The following PIEZO2 variants were observed in gnomAD, a reference collection of about 807,000 sequenced individuals.
PIEZO2 encodes piezo-type mechanosensitive ion channel component 2.
PIEZO2 carries 172 observed loss-of-function variants against 337.3 expected under a neutral mutation model. That is an observed-to-expected ratio of 0.51 (90% CI 0.45 to 0.58). The LOEUF (loss-of-function observed/expected upper bound fraction) is 0.58, where lower values mean the gene tolerates loss of function less well. Among genes scored for constraint, PIEZO2 ranks in the 20% least tolerant of loss-of-function variants. The probability of loss-of-function intolerance (pLI) is 0.00; values close to 1 mark genes in which losing one functional copy is unlikely to be tolerated. For missense variants in PIEZO2, 3,028 were observed against 3,391.3 expected (o/e 0.89, Z 2.66); for synonymous variants, 1,251 against 1,228.5 (o/e 1.02, Z -0.38).
chr18:10,898,180 T>G (rs752575237), intron 4 of PIEZO2, among the ~76,000 whole-genome samples: 6 of 152,200 alleles, frequency 3.9e-5, no homozygotes, highest in Non-Finnish European at 8.8e-5. Context: ...TCTGTATATA[T>G]TTAGACAGAG....
intron 36 of PIEZO2, among the ~76,000 whole-genome samples, chr18:10,720,452 TATATATATATATATATATA>T (rs2036260507): frequency 1.5e-5 from 1 of 68,922 alleles, no homozygotes; most frequent in East Asian, 5.5e-4. Flanking sequence ...TATATATATA[TATATATATATATATATATA>T]TATTAGAGTC....
intron 1 of PIEZO2, among the ~76,000 whole-genome samples, chr18:11,072,297 G>A (rs1004465760): frequency 6.6e-6 from 1 of 152,258 alleles, no homozygotes; most frequent in East Asian, 1.9e-4. Flanking sequence ...AAAAGAAACC[G>A]AAGGGTATCA....
intron 1 of PIEZO2, among the ~76,000 whole-genome samples, chr18:11,142,100 C>T (rs2040667532): frequency 6.6e-6 from 1 of 152,112 alleles, no homozygotes; most frequent in South Asian, 2.1e-4. Context: ...AAGTCATAAT[C>T]AGAAAACATC....
rs1269582001 is a variant in PIEZO2 at position 10,711,557 on chromosome 18, A to T, written c.5424-3118T>A. Among the ~76,000 whole-genome samples the T allele has an allele frequency of 2.0e-5, 3 of 152,224 alleles. No individual in the cohort carries two copies. In the East Asian group the frequency reaches 5.8e-4, roughly 29 times the overall value. Reference sequence around the variant, plus strand: ...CTGTTAATGTCATCACAAATTAATGAAGAAAGGCAATTCTATTCATTACCC... The same window carrying T: ...CTGTTAATGTCATCACAAATTAATGTAGAAAGGCAATTCTATTCATTACCC... On this transcript the variant is annotated intron_variant, in intron 39 of 55. Transcript: ENST00000674853.
In PIEZO2 at chr18:10,803,958, G is replaced by C; in HGVS notation, c.1117C>G (p.Leu373Val). 6.5e-7 allele frequency: 1 copy of C among 1,537,356 alleles called. No homozygotes were observed. The highest frequency in any genetic ancestry group is 8.7e-7 in the Non-Finnish European group (1 of 1,146,946). The change falls in exon 9 of 56, where the codon CTG (leucine) becomes GTG (valine). Residue 373 changes from leucine to valine, a missense_variant. By Grantham distance (32) the Leu-to-Val change is conservative. Transcript: ENST00000674853. Reference protein sequence around the residue: ...DEGTKEEDKALACSPIQITAG... With the variant: ...DEGTKEEDKAVACSPIQITAG... ...GTTATTTGGATGGGGCTACAAGCCA[G>C]GGCTTTGTCCTCTTCTTTGGTCCCC...
At chr18:11,023,296 T>C (rs1227872913) in intron 2 of PIEZO2, among the ~76,000 whole-genome samples, 1 of 152,148 alleles carries the variant, frequency 6.6e-6, no homozygotes, top group Non-Finnish European at 1.5e-5. Context: ...GACAGGGTGC[T>C]GATTGGTGCA....
chr18:10,787,447 C>G (rs531041020), intron 15 of PIEZO2, among the ~76,000 whole-genome samples: 1 of 152,190 alleles, frequency 6.6e-6, no homozygotes, highest in South Asian at 2.1e-4. Context: ...AGGGTTGCTA[C>G]GAGGATGAAA....
chr18:11,108,466 T>TA (rs11412595), intron 1 of PIEZO2, among the ~76,000 whole-genome samples: 19 of 150,840 alleles, frequency 1.3e-4, no homozygotes, highest in Non-Finnish European at 2.2e-4. Context: ...ATACAAAAAG[T>TA]AGCCGGGCGC....
In PIEZO2 at chr18:10,803,913, G is replaced by A. The variant is rs1227210217; in HGVS notation, c.1162C>T (p.Leu388=). The A allele has an allele frequency of 6.5e-7, 1 of 1,537,200 alleles. No individual in the cohort carries two copies. Among genetic ancestry groups the A allele is most frequent in the East Asian group, 2.4e-5 (1 of 40,932 alleles). Residue 388 remains leucine, a synonymous_variant, in exon 9 of 56, where the codon CTG becomes TTG. Coordinates refer to ENST00000674853, the MANE Select transcript of PIEZO2 (RefSeq NM_001378183.1). ...IQITAGRRRS[L]WYATHYPTDE... ...GTGGGGTAATGGGTTGCGTACCACA[G>A]GCTCCGCCTCCTCCCCGCTGTTATT... is the stretch of plus-strand genomic sequence containing the variant.
intron 3 of PIEZO2, among the ~76,000 whole-genome samples, chr18:10,923,264 A>G (rs192039257): frequency 6.6e-4 from 101 of 152,332 alleles, no homozygotes; most frequent in Admixed American, 1.1e-3. Flanking sequence ...ATAAGATTTC[A>G]TCGTACTCAT....
rs1398418801 is a variant in PIEZO2, at chr18:10,830,997, G to A, written c.918-23723C>T. Among the ~76,000 whole-genome samples the A allele has an allele frequency of 6.6e-6, 1 of 152,206 alleles. No homozygotes were observed. The highest frequency in any genetic ancestry group is 6.5e-5 in the Admixed American group (1 of 15,282). On this transcript the variant is annotated intron_variant, in intron 7 of 55. Transcript: ENST00000674853. The surrounding 1 kb of genome is among the most constrained non-coding windows in gnomAD (Gnocchi z 4.7). Reference sequence around the variant, plus strand: ...TACAAATTATCTCACCCCAGCTGAAGTGGCTTTTATCCAAACAAAGGCAAT... The same window carrying A: ...TACAAATTATCTCACCCCAGCTGAAATGGCTTTTATCCAAACAAAGGCAAT...
chr18:10,763,144 C>A (rs1196625421), intron 21 of PIEZO2, 46 bp from the exon 22 acceptor site: 1 of 1,507,368 alleles, frequency 6.6e-7, no homozygotes, highest in Non-Finnish European at 8.9e-7. Flanking sequence ...CGTAACACGG[C>A]ATAACAAACA....
chr18:10,772,096 T>C (rs538613768), intron 20 of PIEZO2, among the ~76,000 whole-genome samples: 27 of 152,216 alleles, frequency 1.8e-4, no homozygotes, highest in Non-Finnish European at 4.0e-4. Context: ...GTTGCTAAGA[T>C]CTAAGGTAAG....
At chr18:10,740,530 A>C (rs1302050688) in intron 33 of PIEZO2, 1 of 154,098 alleles carries the variant, frequency 6.5e-6, no homozygotes, top group Non-Finnish European at 1.4e-5. Context: ...AATAAAATCA[A>C]AGCTGTGGGA....
At chr18:10,679,781 G>A (rs1476634841) in intron 52 of PIEZO2, among the ~76,000 whole-genome samples, 1 of 152,206 alleles carries the variant, frequency 6.6e-6, no homozygotes, top group African/African-American at 2.4e-5. Context: ...AGTGATGCAT[G>A]AGGGAGGTGT....
In PIEZO2 at chr18:10,878,364, C is replaced by A. The variant is rs2042322674; in HGVS notation, c.330-6949G>T. 6.6e-6 allele frequency among the ~76,000 whole-genome samples: 1 copy of A among 152,168 alleles called. No homozygotes were observed. The highest frequency in any genetic ancestry group is 2.4e-5 in the African/African-American group (1 of 41,436). On this transcript the variant is annotated intron_variant, in intron 4 of 55. Transcript: ENST00000674853. This position sits in a 1 kb window ranked among gnomAD's most constrained non-coding sequence, Gnocchi z 4.3. ...TAGATGAGACACCTACCATAAAGAGCTCTGTAATTCAGCTCGGGGAAGATA... is the reference window on the plus strand; with the variant it reads ...TAGATGAGACACCTACCATAAAGAGATCTGTAATTCAGCTCGGGGAAGATA...
intron 2 of PIEZO2, among the ~76,000 whole-genome samples, chr18:11,051,456 G>C (rs1468633207): frequency 6.6e-6 from 1 of 151,946 alleles, no homozygotes; most frequent in African/African-American, 2.4e-5. Flanking sequence ...CTGGCTGTAG[G>C]ACAACGGCTA....
chr18:11,148,376 C>T lies in PIEZO2; in HGVS notation c.64+149G>A. 1 of 848,790 alleles carries T rather than the reference C, an allele frequency of 1.2e-6. No homozygotes were observed. Among genetic ancestry groups the T allele is most frequent in the Admixed American group, 2.3e-5 (1 of 43,138 alleles). The allele number at this position is 848,790 out of a possible 1,614,324, so 52.6% of individuals were successfully genotyped here. ...CAGAGTGGGAAGTGAGAGAGCCAGG[C>T]TGTGCACCAGGGACAGCGCGCGTCT... is the stretch of plus-strand genomic sequence containing the variant. On this transcript the variant is annotated intron_variant, in intron 1 of 55. Transcript: ENST00000674853. The surrounding 1 kb of genome is among the most constrained non-coding windows in gnomAD (Gnocchi z 5.2).
In PIEZO2 at chr18:11,048,862, G is replaced by T. The variant is rs536186809; in HGVS notation, c.160+17265C>A. 3.1e-4 allele frequency among the ~76,000 whole-genome samples: 47 copies of T among 152,126 alleles called. No individual in the cohort carries two copies. Among genetic ancestry groups the T allele is most frequent in the Non-Finnish European group, 5.4e-4 (37 of 68,036 alleles). ...TTATTCTTCTTATAATTAATAATCT[G>T]CACTTTTTGAAAGTTAAATATAAAT... On this transcript the variant is annotated intron_variant, in intron 2 of 55. Transcript: ENST00000674853. The surrounding 1 kb of genome is among the most constrained non-coding windows in gnomAD (Gnocchi z 4.5).
Sources: gnomAD v4.1 joint callset for allele counts (sites outside exome capture counted in the v4.1 genomes callset) on GRCh38, gnomAD v4.1.1 for gene constraint, Gnocchi (gnomAD v3.1) non-coding constraint, MANE v1.5 for transcripts, NCBI Gene and HGNC (gene_info 2026-07-23, HGNC 2026-07-21) for gene names.